Variants in RPH3A observed in about 807,000 individuals in gnomAD.
The protein encoded by RPH3A is rabphilin-3A.
RPH3A carries 48 observed loss-of-function variants against 102.2 expected under a neutral mutation model. The observed-to-expected ratio is 0.47, with a 90% CI of 0.37 to 0.60. The LOEUF is 0.60. Ranked by LOEUF, RPH3A falls within the 20% of genes least tolerant of loss-of-function variation. The pLI is 0.00. For synonymous variants in RPH3A, 310 were observed against 324.3 expected (o/e 0.96, Z 0.47); for missense variants, 781 against 910.1 (o/e 0.86, Z 1.83).
chr12:112,697,889 T>C (rs553102710), intron 1 of RPH3A, among the ~76,000 whole-genome samples: 1 of 151,570 alleles, frequency 6.6e-6, no homozygotes, highest in Non-Finnish European at 1.5e-5. Context: ...CAAACAGACT[T>C]TTTTTTTCTT....
At position 112,791,869 on chromosome 12, in the gene RPH3A, A is replaced by AGG; in HGVS notation, c.-282_-281insGG. 1 of 136,930 alleles carries AGG rather than the reference A, an allele frequency of 7.3e-6. No individual in the cohort carries two copies. Among genetic ancestry groups the AGG allele is most frequent in the Middle Eastern group, 3.5e-3 (1 of 284 alleles). 8.5% of individuals were successfully genotyped at this position (136,930 alleles called of 1,614,324 possible). A position where few individuals can be genotyped will look rare whatever the true frequency, so the allele number is the denominator to read the frequency against. ...CGGACTGGAAAGGAAGGGAGAAGGG[A>AGG]GAGAGAGAGAGAGAGAGAGAGAGAG... On this transcript the variant is annotated 5_prime_UTR_variant, in exon 1 of 22. Transcript: ENST00000389385.
chr12:112,597,473 G>A (rs1299136526), intron 1 of RPH3A, among the ~76,000 whole-genome samples: 1 of 152,058 alleles, frequency 6.6e-6, no homozygotes, highest in Non-Finnish European at 1.5e-5. Context: ...TAGCCCCAAG[G>A]CTGGGAGTAC....
At chr12:112,744,632 T>C (rs1245875573) in intron 1 of RPH3A, among the ~76,000 whole-genome samples, 1 of 152,098 alleles carries the variant, frequency 6.6e-6, no homozygotes, top group African/African-American at 2.4e-5. Context: ...GGTCATCTCA[T>C]CAACTCTTTG....
At chr12:112,679,937 G>A (rs897021592) in intron 1 of RPH3A, among the ~76,000 whole-genome samples, 1 of 152,258 alleles carries the variant, frequency 6.6e-6, no homozygotes, top group Admixed American at 6.5e-5. Context: ...GTGAGTGGCC[G>A]GCTTTGGACA....
chr12:112,812,776 G>C (rs1478751622), intron 2 of RPH3A, among the ~76,000 whole-genome samples: 1 of 152,170 alleles, frequency 6.6e-6, no homozygotes, highest in African/African-American at 2.4e-5. Flanking sequence ...GAGGAGAGGA[G>C]TAATGTGTAT....
chr12:112,734,676 G>A (rs752344738), intron 1 of RPH3A, among the ~76,000 whole-genome samples: 78 of 152,312 alleles, frequency 5.1e-4, no homozygotes, highest in Non-Finnish European at 7.8e-4. Flanking sequence ...TGGATTATTC[G>A]TGAGTTTTCT....
intron 2 of RPH3A, among the ~76,000 whole-genome samples, chr12:112,800,067 C>T (rs1443650678): frequency 6.6e-6 from 1 of 152,154 alleles, no homozygotes; most frequent in African/African-American, 2.4e-5. Context: ...AAGCCGACAG[C>T]CCAGTGGGTG....
chr12:112,665,390 AT>A (rs1299816877), intron 1 of RPH3A, among the ~76,000 whole-genome samples: 1 of 152,198 alleles, frequency 6.6e-6, no homozygotes, highest in Non-Finnish European at 1.5e-5. Flanking sequence ...GAAGGGCCAT[AT>A]TGTCCTACTG....
chr12:112,764,870 T>C (rs1471718616), intron 1 of RPH3A, among the ~76,000 whole-genome samples: 3 of 152,054 alleles, frequency 2.0e-5, no homozygotes, highest in African/African-American at 7.2e-5. Flanking sequence ...AGCTTTTTCA[T>C]CCCCCCATAA....
At chr12:112,858,850 C>G (rs1289490224) in intron 5 of RPH3A, among the ~76,000 whole-genome samples, 1 of 152,200 alleles carries the variant, frequency 6.6e-6, no homozygotes, top group African/African-American at 2.4e-5. Flanking sequence ...AAGGGACATA[C>G]TCCTGGTGCC....
At chr12:112,804,651 G>A (rs765978131) in intron 2 of RPH3A, among the ~76,000 whole-genome samples, 11 of 152,234 alleles carry the variant, frequency 7.2e-5, no homozygotes, top group South Asian at 2.1e-4. Flanking sequence ...TCTCCACTTC[G>A]CCCCTTCCTA....
chr12:112,859,479 AC>A (rs1335167920), intron 5 of RPH3A, among the ~76,000 whole-genome samples: 5 of 151,964 alleles, frequency 3.3e-5, no homozygotes, highest in African/African-American at 1.2e-4. Flanking sequence ...ATTACCCATA[AC>A]CCCTCACTGC....
At chr12:112,620,620 G>C in intron 1 of RPH3A, among the ~76,000 whole-genome samples, 1 of 152,154 alleles carries the variant, frequency 6.6e-6, no homozygotes, top group African/African-American at 2.4e-5. Context: ...ACCGCCACTA[G>C]GATGAACTTC....
chr12:112,604,558 T>C (rs1299618190), intron 1 of RPH3A, among the ~76,000 whole-genome samples: 1 of 152,206 alleles, frequency 6.6e-6, no homozygotes, highest in Non-Finnish European at 1.5e-5. Flanking sequence ...CTCACTGTAT[T>C]AGTTTTCTAT....
chr12:112,877,116 A>G (rs1210141536), intron 13 of RPH3A, among the ~76,000 whole-genome samples: 1 of 152,178 alleles, frequency 6.6e-6, no homozygotes, highest in Non-Finnish European at 1.5e-5. Flanking sequence ...CAATGGTACC[A>G]TGTAAATCAT....
chr12:112,878,149 G>T (rs749150000), intron 13 of RPH3A, among the ~76,000 whole-genome samples: 1 of 152,188 alleles, frequency 6.6e-6, no homozygotes, highest in Non-Finnish European at 1.5e-5. Context: ...CAGGAGAAAG[G>T]AGAGGAGTCC....
In RPH3A at chr12:112,865,411, C is replaced by CT. The variant is rs750474559; in HGVS notation, c.231-3_231-2insT. On this transcript the variant is annotated splice_region_variant and splice_polypyrimidine_tract_variant and intron_variant, in intron 5 of 21. Coordinates refer to ENST00000389385, the MANE Select transcript of RPH3A (RefSeq NM_001143854.2). ...TCCTTATTTACCTTGTCTCTGCTTC[C>CT]AGACGCCTGGTGGACCGCCTAGAAA... 5.6e-6 allele frequency: 9 copies of CT among 1,613,562 alleles called. No individual in the cohort carries two copies. Among genetic ancestry groups the CT allele is most frequent in the Non-Finnish European group, 7.6e-6 (9 of 1,179,824 alleles).
intron 1 of RPH3A, among the ~76,000 whole-genome samples, chr12:112,684,917 C>T (rs369072106): frequency 1.1e-4 from 17 of 152,266 alleles, no homozygotes; most frequent in African/African-American, 4.1e-4. Flanking sequence ...GGTTTCTTCT[C>T]TACGTCCCCA....
intron 1 of RPH3A, among the ~76,000 whole-genome samples, chr12:112,627,422 A>G (rs919816276): frequency 3.3e-5 from 5 of 149,718 alleles, no homozygotes; most frequent in African/African-American, 1.2e-4. Flanking sequence ...ATGTAATTGT[A>G]TGTAACAATT....
Sources: gnomAD v4.1 joint callset for allele counts (sites outside exome capture counted in the v4.1 genomes callset) on GRCh38, gnomAD v4.1.1 for gene constraint, MANE v1.5 for transcripts, NCBI Gene and HGNC (gene_info 2026-07-23, HGNC 2026-07-21) for gene names.